The following DDAH1 variants were observed in gnomAD, a reference collection of about 807,000 sequenced individuals.
The protein encoded by DDAH1 is dimethylarginine dimethylaminohydrolase 1, also known as N(G),N(G)-dimethylarginine dimethylaminohydrolase 1.
DDAH1 carries 19 observed loss-of-function variants against 28.8 expected under a neutral mutation model. That is an observed-to-expected ratio of 0.66 (90% CI 0.46 to 0.97). The LOEUF (loss-of-function observed/expected upper bound fraction) is 0.97. DDAH1 is among the 50% of genes least tolerant of loss of function. DDAH1 has a pLI of 0.00. For missense variants in DDAH1, 326 were observed against 375.9 expected (o/e 0.87, Z 1.10); for synonymous variants, 153 against 154.4 (o/e 0.99, Z 0.07).
chr1:85,367,982 C>T (rs903946610), intron 1 of DDAH1, among the ~76,000 whole-genome samples: 7 of 152,174 alleles, frequency 4.6e-5, no homozygotes, highest in African/African-American at 1.7e-4. Context: ...ACAAAATTGA[C>T]AAGTAGTATC....
chr1:85,332,390 G>A (rs1448077324), intron 4 of DDAH1, among the ~76,000 whole-genome samples: 1 of 152,170 alleles, frequency 6.6e-6, no homozygotes, highest in Admixed American at 6.5e-5. Context: ...CATGAAACCT[G>A]ATTTCCTGGG....
rs1655315939 is a variant in DDAH1, at chr1:85,465,126, C to G, written c.-81G>C. 1 of 1,172,708 alleles carries G rather than the reference C, an allele frequency of 8.5e-7. No homozygotes were observed. The highest frequency in any genetic ancestry group is 1.6e-5 in the African/African-American group (1 of 61,952). The allele number at this position is 1,172,708 out of a possible 1,614,324, so 72.6% of individuals were successfully genotyped here. On this transcript the variant is annotated 5_prime_UTR_variant, in exon 1 of 6. Coordinates refer to ENST00000284031, the MANE Select transcript of DDAH1 (RefSeq NM_012137.4). ...GGGCAGCGCGCGCTGAGCCTGCGAG[C>G]GCCCGTCGGCTCCTCTTGGCAGCCG... is the stretch of plus-strand genomic sequence containing the variant.
intron 1 of DDAH1, among the ~76,000 whole-genome samples, chr1:85,439,786 A>G (rs1654108994): frequency 6.6e-6 from 1 of 152,244 alleles, no homozygotes. Flanking sequence ...TTGTAAGAAT[A>G]ACAAGACAAT....
chr1:85,412,387 T>G (rs1279058423), intron 1 of DDAH1, among the ~76,000 whole-genome samples: 1 of 152,244 alleles, frequency 6.6e-6, no homozygotes, highest in African/African-American at 2.4e-5. Flanking sequence ...TAGTCCCTCA[T>G]GGCAAACCAC....
chr1:85,481,542 C>A (rs1656016441), intron 2 of DDAH1, among the ~76,000 whole-genome samples: 1 of 152,162 alleles, frequency 6.6e-6, no homozygotes, highest in Admixed American at 6.5e-5. Context: ...TAATATTATA[C>A]CACCACCAAT....
rs1255576680 is a variant in DDAH1 at position 85,464,166 on chromosome 1, TTCCTTCCA to T, written c.303+569_303+576del. The stretch of plus-strand genomic sequence containing the variant: ...AGCACAGCTCACCAACAAAACACTT[TTCCTTCCA>T]TTCATTCACTTACTAGTCCCGTTCT... On this transcript the variant is annotated intron_variant, in intron 1 of 5. Transcript: ENST00000284031. The surrounding 1 kb of genome is among the most constrained non-coding windows in gnomAD (Gnocchi z 4.4). Among the ~76,000 whole-genome samples, 2 of 152,116 alleles carry T rather than the reference TTCCTTCCA, an allele frequency of 1.3e-5. No homozygotes were observed. The highest frequency in any genetic ancestry group is 2.9e-5 in the Non-Finnish European group (2 of 68,020).
At chr1:85,571,458 C>A (rs1440577328) in intron 1 of DDAH1, among the ~76,000 whole-genome samples, 2 of 152,188 alleles carry the variant, frequency 1.3e-5, no homozygotes, top group African/African-American at 4.8e-5. Context: ...GTTGGACATC[C>A]CTTGTCTGTA....
intron 1 of DDAH1, among the ~76,000 whole-genome samples, chr1:85,386,758 T>C (rs191181484): frequency 1.2e-4 from 18 of 152,278 alleles, no homozygotes; most frequent in Admixed American, 3.3e-4. Context: ...TAGTAGAGGT[T>C]CTCTGTGGGG....
intron 1 of DDAH1, among the ~76,000 whole-genome samples, chr1:85,549,750 TC>T (rs1293263418): frequency 1.3e-5 from 2 of 152,212 alleles, no homozygotes; most frequent in African/African-American, 2.4e-5. Context: ...CCAAAAATAT[TC>T]AGCATTAATT....
At chr1:85,440,530 C>T (rs984832199) in intron 1 of DDAH1, among the ~76,000 whole-genome samples, 26 of 152,262 alleles carry the variant, frequency 1.7e-4, no homozygotes, top group African/African-American at 5.8e-4. Context: ...TATTTTTCAT[C>T]CCTGACCCTA....
chr1:85,466,889 G>A (rs1655406184), upstream of DDAH1, among the ~76,000 whole-genome samples: 2 of 119,964 alleles, frequency 1.7e-5, no homozygotes, highest in South Asian at 5.0e-4. Flanking sequence ...CCAGGCTGGA[G>A]TGCAATGGCG....
In DDAH1 at chr1:85,572,226, A is replaced by G. The variant is rs555802869; in HGVS notation, c.-123+5758T>C. 5.9e-5 allele frequency among the ~76,000 whole-genome samples: 9 copies of G among 152,216 alleles called. No individual in the cohort carries two copies. In the East Asian group the frequency reaches 1.7e-3, roughly 29 times the overall value. ...AGGAGAGAACCCTTTTTCATTGTTT[A>G]ACTTGTTTATTATCAGACTCTCATT... is the stretch of plus-strand genomic sequence containing the variant. On this transcript the variant is annotated intron_variant, in intron 1 of 6. Transcript: ENST00000426972.
chr1:85,379,467 G>T, intron 1 of DDAH1: 2 of 380,276 alleles, frequency 5.3e-6, no homozygotes, highest in Non-Finnish European at 7.2e-6. Context: ...GACAGGTAGA[G>T]ATAATGAGGC....
chr1:85,395,585 T>A (rs1265749684), intron 1 of DDAH1, among the ~76,000 whole-genome samples: 1 of 151,056 alleles, frequency 6.6e-6, no homozygotes. Flanking sequence ...AGGAGGAGAA[T>A]CGCTTGAACC....
chr1:85,540,715 T>C (rs951943907), intron 1 of DDAH1, among the ~76,000 whole-genome samples: 4 of 152,118 alleles, frequency 2.6e-5, no homozygotes, highest in Non-Finnish European at 5.9e-5. Flanking sequence ...CCCAGCACTT[T>C]GGGAGGCTGA....
chr1:85,569,830 C>T (rs10493772), intron 1 of DDAH1, among the ~76,000 whole-genome samples: 32,010 of 152,108 alleles, frequency 0.21, 3,673 homozygotes, highest in South Asian at 0.47. Flanking sequence ...AATGAATCCA[C>T]GAGAATGTCC....
At chr1:85,508,646 A>G (rs958383779) in intron 1 of DDAH1, among the ~76,000 whole-genome samples, 1 of 152,248 alleles carries the variant, frequency 6.6e-6, no homozygotes, top group Non-Finnish European at 1.5e-5. Flanking sequence ...AGGTCTTAGC[A>G]ACCGGCAGAC....
chr1:85,536,958 TATATATATATATATATATATATATATAC>T (rs1334598017), intron 1 of DDAH1, among the ~76,000 whole-genome samples: 2 of 20,772 alleles, frequency 9.6e-5, no homozygotes, highest in East Asian at 2.5e-3. Flanking sequence ...CATATATATA[TATATATATATATATATATATATATATAC>T]GTATATACAT....
intron 2 of DDAH1, chr1:85,495,497 G>A (rs1656555680): frequency 6.6e-6 from 1 of 152,214 alleles, no homozygotes; most frequent in African/African-American, 2.4e-5. Context: ...CAGTCCCATA[G>A]AGAGGACTTG....
Sources: gnomAD v4.1 joint callset for allele counts (sites outside exome capture counted in the v4.1 genomes callset) on GRCh38, gnomAD v4.1.1 for gene constraint, Gnocchi (gnomAD v3.1) non-coding constraint, MANE v1.5 for transcripts, NCBI Gene and HGNC (gene_info 2026-07-23, HGNC 2026-07-21) for gene names.